Variants in NBPF9 observed in about 807,000 individuals in gnomAD.
The protein encoded by NBPF9 is NBPF family member NBPF9.
Under a neutral mutation model 97.8 loss-of-function variants are expected in NBPF9, and 91 were observed. The ratio of observed to expected loss-of-function variants is 0.93; its 90% confidence interval spans 0.79 to 1.11. The LOEUF is 1.11. Among genes scored for constraint, NBPF9 ranks in the 50% least tolerant of loss-of-function variants. The pLI is 0.00. For missense variants in NBPF9, 992 were observed against 939.5 expected (o/e 1.06, Z -0.73); for synonymous variants, 334 against 359.5 (o/e 0.93, Z 0.80).
chr1:149,058,854 T>C, intron 26 of NBPF9, 71 bp downstream of exon 26: 3 of 700,516 alleles, frequency 4.3e-6, no homozygotes, highest in East Asian at 2.6e-5. Context: ...TAAGGGCCAC[T>C]TGGAACAGGA....
chr1:149,072,648 G>T, intron 14 of NBPF9, 70 bp downstream of exon 14: 1 of 1,529,024 alleles, frequency 6.5e-7, no homozygotes, highest in Non-Finnish European at 9.1e-7. Context: ...CTGTCATTGT[G>T]AAAGTATGGA....
At chr1:149,066,051 T>C in intron 17 of NBPF9, 2 of 409,440 alleles carry the variant, frequency 4.9e-6, no homozygotes, top group Admixed American at 7.7e-5. Context: ...TGAAGAGAGT[T>C]CTTGACGCAG....
At chr1:149,055,327 G>A in exon 30 of NBPF9, 4 of 501,710 alleles carry the variant, frequency 8.0e-6, no homozygotes, top group Admixed American at 6.7e-5. Flanking sequence ...CCTTGAGCAG[G>A]TATAGAAGCT....
intron 17 of NBPF9, among the ~76,000 whole-genome samples, chr1:149,067,874 A>C (rs1450411000): frequency 7.0e-6 from 1 of 142,622 alleles, no homozygotes; most frequent in Non-Finnish European, 1.5e-5. Flanking sequence ...TAGATCCTTG[A>C]GGAATTGCCA....
At chr1:149,070,313 T>A (rs1575835512) in intron 16 of NBPF9, among the ~76,000 whole-genome samples, 1 of 90,014 alleles carries the variant, frequency 1.1e-5, no homozygotes, top group Non-Finnish European at 2.0e-5. Flanking sequence ...AGAGCAAGAC[T>A]CCATCGCAAA....
intron 17 of NBPF9, chr1:149,065,959 C>T (rs1421954544): frequency 1.2e-5 from 7 of 591,650 alleles, no homozygotes; most frequent in Non-Finnish European, 1.8e-5. Context: ...AAACTACCAT[C>T]ATGTCTTGCA....
In NBPF9 at chr1:149,062,803, G is replaced by A. The variant is rs1575825749; in HGVS notation, c.2078+59C>T. On this transcript the variant is annotated intron_variant, in intron 21 of 29. Coordinates refer to ENST00000584027, the Ensembl canonical transcript of NBPF9. ...AATTGAACACACTCTTGTTTTCCCTGGACCTGGCATCTCCAGGTGTCAACA... is the reference window on the plus strand; with the variant it reads ...AATTGAACACACTCTTGTTTTCCCTAGACCTGGCATCTCCAGGTGTCAACA... 1.6e-5 allele frequency: 12 copies of A among 755,548 alleles called. No individual in the cohort carries two copies. In the East Asian group the frequency reaches 2.0e-4, roughly 12 times the overall value. 46.8% of individuals were successfully genotyped at this position (755,548 alleles called of 1,614,324 possible).
chr1:149,070,407 T>C (rs1167175002), intron 16 of NBPF9, among the ~76,000 whole-genome samples: 1 of 148,416 alleles, frequency 6.7e-6, no homozygotes, highest in Admixed American at 6.8e-5. Flanking sequence ...AGAACCAGGG[T>C]CCAGCCTTGC....
intron 5 of NBPF9, among the ~76,000 whole-genome samples, chr1:149,085,248 T>C (rs1575863194): frequency 6.7e-6 from 1 of 148,600 alleles, no homozygotes; most frequent in African/African-American, 2.5e-5. Context: ...TAAAAAAGAT[T>C]CTACTAAAAA....
Position 149,065,583 on chromosome 1 carries a change from TG to T in NBPF9, c.1743del (p.Tyr581Ter), listed in dbSNP as rs2078987984. On this transcript the variant is annotated frameshift_variant, in exon 18 of 30. Transcript: ENST00000584027. LOFTEE classifies it high-confidence loss of function. ...TCCTCTAATGAGTGAAATGTGCTGC[TG>T]TAAGACTTGTACGAGGCCAACATTT... is the stretch of plus-strand genomic sequence containing the variant. 1.9e-6 allele frequency: 3 copies of T among 1,609,816 alleles called. 1 individual carries two copies. In the East Asian group the frequency reaches 6.8e-5, roughly 37 times the overall value.
At chr1:149,055,709 T>A (rs587594145) in exon 30 of NBPF9, 2 of 1,611,778 alleles carry the variant, frequency 1.2e-6, no homozygotes, top group African/African-American at 1.3e-5. Context: ...CTTGTCACCG[T>A]CAAAGTAAAA....
chr1:149,099,613 AATGAATACTAT>A (rs2082011833), intron 3 of NBPF9, among the ~76,000 whole-genome samples: 1 of 152,182 alleles, frequency 6.6e-6, no homozygotes, highest in Admixed American at 6.5e-5. Flanking sequence ...TAATAACAAC[AATGAATACTAT>A]ATTCATAAAT....
At position 149,055,778 on chromosome 1, in the gene NBPF9, C is replaced by T. The variant is rs782732203; in HGVS notation, c.3214G>A (p.Val1072Met). ...TGCTGTTCCTCAAATGAGTAAAACACACTTCTGTAGTGCTGGAATGAGTCA... is the reference window on the plus strand; with the variant it reads ...TGCTGTTCCTCAAATGAGTAAAACATACTTCTGTAGTGCTGGAATGAGTCA... The change falls in exon 30 of 30, where the codon GTG becomes ATG. Residue 1072 changes from valine (V) to methionine (M), a missense_variant. Coordinates refer to ENST00000584027, the Ensembl canonical transcript of NBPF9. 3.7e-6 allele frequency: 6 copies of T among 1,611,490 alleles called. No homozygotes were observed. The South Asian group carries it at 5.5e-5, about 15-fold the overall frequency.
At chr1:149,065,934 C>G (rs1553651611) in intron 17 of NBPF9, 2 of 605,596 alleles carry the variant, frequency 3.3e-6, no homozygotes, top group African/African-American at 3.7e-5. Context: ...CTCAGGGCAC[C>G]CAGACTCTCC....
intron 26 of NBPF9, 182 bp downstream of exon 26, chr1:149,058,743 T>C (rs1226350582): frequency 1.1e-5 from 6 of 553,982 alleles, no homozygotes; most frequent in Admixed American, 2.9e-5. Context: ...CCTTGCTCAC[T>C]GACCCATTTC....
At position 149,064,043 on chromosome 1, in the gene NBPF9, G is replaced by A. The variant is rs1165323029; in HGVS notation, c.1854-238C>T. On this transcript the variant is annotated intron_variant, in intron 19 of 29. Coordinates refer to ENST00000584027, the Ensembl canonical transcript of NBPF9. ...ACACACACACACACACACACAGAGC[G>A]AGCTGAGTGATTTGGTCAGGTGACA... is the stretch of plus-strand genomic sequence containing the variant. 4.8e-5 allele frequency among the ~76,000 whole-genome samples: 6 copies of A among 124,210 alleles called. No individual in the cohort carries two copies. In the East Asian group the frequency reaches 6.2e-4, roughly 13 times the overall value. The allele number at this position is 124,210 out of a possible 152,430, so 81.5% of individuals were successfully genotyped here.
intron 17 of NBPF9, among the ~76,000 whole-genome samples, chr1:149,068,273 AC>A (rs1356015696): frequency 6.7e-6 from 1 of 150,252 alleles, no homozygotes; most frequent in Non-Finnish European, 1.5e-5. Context: ...TTCACACATA[AC>A]AATATTAACC....
intron 5 of NBPF9, among the ~76,000 whole-genome samples, chr1:149,084,278 T>TACAC (rs2080792543): frequency 6.8e-6 from 1 of 146,850 alleles, no homozygotes; most frequent in Admixed American, 6.9e-5. Context: ...GTATATATAT[T>TACAC]ATATATACAC....
At chr1:149,068,928 G>C (rs1445499939) in intron 17 of NBPF9, among the ~76,000 whole-genome samples, 13 of 151,650 alleles carry the variant, frequency 8.6e-5, no homozygotes, top group African/African-American at 2.9e-4. Flanking sequence ...CAAACTGTCA[G>C]ACCACAGTGC....
Sources: gnomAD v4.1 joint callset for allele counts (sites outside exome capture counted in the v4.1 genomes callset) on GRCh38, gnomAD v4.1.1 for gene constraint, MANE v1.5 for transcripts, NCBI Gene and HGNC (gene_info 2026-07-23, HGNC 2026-07-21) for gene names.